CEP112: variants seen among roughly 807,000 people sequenced by gnomAD.
The protein encoded by CEP112 is centrosomal protein of 112 kDa.
CEP112 carries 127 observed loss-of-function variants against 153.0 expected under a neutral mutation model. The ratio of observed to expected loss-of-function variants is 0.83; its 90% CI spans 0.72 to 0.96. The LOEUF is 0.96. CEP112 is among the 40% of genes least tolerant of loss of function. CEP112 has a pLI of 0.00. For synonymous variants in CEP112, 358 were observed against 374.4 expected (o/e 0.96, Z 0.51); for missense variants, 1,089 against 1,101.2 (o/e 0.99, Z 0.16).
At chr17:65,655,918 G>A (rs2046040629) in intron 24 of CEP112, among the ~76,000 whole-genome samples, 2 of 152,126 alleles carry the variant, frequency 1.3e-5, no homozygotes, top group African/African-American at 2.4e-5. Flanking sequence ...TGTGGCCTTG[G>A]GAGGTACTCA....
chr17:65,929,526 C>A (rs1436969346), intron 18 of CEP112, among the ~76,000 whole-genome samples: 1 of 152,156 alleles, frequency 6.6e-6, no homozygotes. Context: ...CATTGCAATT[C>A]CCCAGCCACT....
chr17:65,886,493 T>C (rs960054090), intron 20 of CEP112, among the ~76,000 whole-genome samples: 10 of 152,246 alleles, frequency 6.6e-5, no homozygotes, highest in African/African-American at 1.7e-4. Context: ...ATGAATAGTT[T>C]ATTTCACATT....
rs2062761293 is a variant in CEP112, at chr17:65,971,164, CAT to C, written c.1737-9568_1737-9567del. ...ATGTGCACATGATACATGTACATTA[CAT>C]GTACAGCACATGTACAGCACATGCA... On this transcript the variant is annotated intron_variant, in intron 17 of 26. Transcript: ENST00000535342. Among the ~76,000 whole-genome samples, 4 of 54,910 alleles carry C rather than the reference CAT, an allele frequency of 7.3e-5. No individual in the cohort carries two copies. In the East Asian group the frequency reaches 0.033, roughly 450 times the overall value. 36.0% of individuals were successfully genotyped at this position (54,910 alleles called of 152,430 possible).
intron 17 of CEP112, among the ~76,000 whole-genome samples, chr17:65,964,229 A>AGT (rs1319847642): frequency 2.0e-5 from 3 of 152,244 alleles, no homozygotes; most frequent in Non-Finnish European, 4.4e-5. Flanking sequence ...CTGGCTGTTA[A>AGT]GTTCTAAGGT....
At chr17:65,768,721 A>G (rs902071230) in intron 21 of CEP112, among the ~76,000 whole-genome samples, 2 of 152,120 alleles carry the variant, frequency 1.3e-5, no homozygotes, top group Non-Finnish European at 2.9e-5. Flanking sequence ...AAAGCATTCA[A>G]TACAGCTCGA....
At chr17:65,641,210 GAA>G in intron 24 of CEP112, 145 bp from the exon 25 acceptor site, 1 of 567,364 alleles carries the variant, frequency 1.8e-6, no homozygotes. Flanking sequence ...GAAATAAGAA[GAA>G]AGAGTTAAAA....
intron 8 of CEP112, among the ~76,000 whole-genome samples, chr17:66,081,944 C>A (rs762409623): frequency 6.6e-6 from 1 of 152,034 alleles, no homozygotes; most frequent in African/African-American, 2.4e-5. Context: ...CTTGGCATTA[C>A]ACATAATAAA....
chr17:65,969,773 A>G (rs137940089), intron 17 of CEP112, among the ~76,000 whole-genome samples: 3 of 152,218 alleles, frequency 2.0e-5, no homozygotes, highest in Non-Finnish European at 2.9e-5. Flanking sequence ...TGTAAATCAC[A>G]TAGATGCATA....
At chr17:65,706,199 C>T (rs796569051) in intron 23 of CEP112, among the ~76,000 whole-genome samples, 68 of 152,270 alleles carry the variant, frequency 4.5e-4, no homozygotes, top group African/African-American at 1.5e-3. Flanking sequence ...AGACTGGGAA[C>T]GTCTTCAGGA....
intron 23 of CEP112, among the ~76,000 whole-genome samples, chr17:65,726,417 G>C (rs568708432): frequency 1.1e-4 from 16 of 152,272 alleles, no homozygotes; most frequent in Admixed American, 3.3e-4. Context: ...GCAATCAGCA[G>C]AGCTTCATGG....
rs1269177694 is a variant in CEP112 at position 65,668,116 on chromosome 17, G to A, written c.2697+21013C>T. 3.3e-5 allele frequency among the ~76,000 whole-genome samples: 5 copies of A among 152,104 alleles called. No individual in the cohort carries two copies. The South Asian group carries it at 8.3e-4, about 25-fold the overall frequency. On this transcript the variant is annotated intron_variant, in intron 24 of 26. Transcript: ENST00000535342. ...TCGCCATGTTGGCCAGGCTGGTCTC[G>A]AACTCCTGACCTCAAGTGATCCGCC... is the stretch of plus-strand genomic sequence containing the variant.
chr17:65,637,464 GC>G (rs1323574504), intron 25 of CEP112, among the ~76,000 whole-genome samples: 1 of 152,148 alleles, frequency 6.6e-6, no homozygotes, highest in African/African-American at 2.4e-5. Context: ...CTCACGCCCT[GC>G]CCACCACTGC....
At chr17:65,924,505 C>G (rs151236083) in intron 19 of CEP112, among the ~76,000 whole-genome samples, 75 of 152,082 alleles carry the variant, frequency 4.9e-4, no homozygotes, top group African/African-American at 1.8e-3. Context: ...TGTACATATT[C>G]ACATGTGCAT....
At chr17:65,779,872 A>C (rs1304700151) in intron 21 of CEP112, among the ~76,000 whole-genome samples, 1 of 152,082 alleles carries the variant, frequency 6.6e-6, no homozygotes, top group East Asian at 1.9e-4. Context: ...ACTTAACAAA[A>C]GCTCTTTTTC....
chr17:65,718,330 C>A (rs1161295029), intron 23 of CEP112, among the ~76,000 whole-genome samples: 1 of 151,798 alleles, frequency 6.6e-6, no homozygotes, highest in Non-Finnish European at 1.5e-5. Context: ...ATTGCTTGAA[C>A]CTGGGAGGTG....
Position 66,176,925 on chromosome 17 carries a change from T to G in CEP112, c.202A>C (p.Lys68Gln). ...MGRKNRNLYA[K>Q]LLLHMLKRGA... ...CGTTTAAGCATATGCAATAACAATT[T>G]TGCATACAGGTTCCGATTCTTCCTC... The change falls in exon 3 of 27, where the codon AAA (lysine) becomes CAA (glutamine). Residue 68 changes from lysine (K) to glutamine (Q), a missense_variant. Lys to Gln is a moderately conservative substitution (Grantham distance 53). Transcript: ENST00000535342. The G allele has an allele frequency of 2.5e-6, 4 of 1,614,010 alleles. No homozygotes were observed. Among genetic ancestry groups the G allele is most frequent in the Non-Finnish European group, 3.4e-6 (4 of 1,179,914 alleles).
intron 19 of CEP112, among the ~76,000 whole-genome samples, chr17:65,926,144 G>A (rs1420017496): frequency 6.6e-6 from 1 of 152,102 alleles, no homozygotes; most frequent in African/African-American, 2.4e-5. Context: ...ATCTCCTACA[G>A]CAGGAACCTT....
At chr17:65,736,220 AG>A (rs1745919001) in intron 23 of CEP112, among the ~76,000 whole-genome samples, 1 of 152,136 alleles carries the variant, frequency 6.6e-6, no homozygotes, top group South Asian at 2.1e-4. Context: ...AGGTAAGGGA[AG>A]GAAAGAATTA....
chr17:65,711,047 C>T (rs1323044193), intron 23 of CEP112, among the ~76,000 whole-genome samples: 3 of 152,138 alleles, frequency 2.0e-5, no homozygotes, highest in Non-Finnish European at 2.9e-5. Context: ...GAGTGGGTGG[C>T]GAACTGGAGC....
Sources: gnomAD v4.1 joint callset for allele counts (sites outside exome capture counted in the v4.1 genomes callset) on GRCh38, gnomAD v4.1.1 for gene constraint, MANE v1.5 for transcripts, NCBI Gene and HGNC (gene_info 2026-07-23, HGNC 2026-07-21) for gene names.